The following IMMP1L variants were observed in gnomAD, a reference collection of about 807,000 sequenced individuals.
IMMP1L encodes inner mitochondrial membrane peptidase subunit 1.
In IMMP1L, 24 loss-of-function variants were observed where a neutral mutation model predicts 21.8. The ratio of observed to expected loss-of-function variants is 1.10; its 90% CI spans 0.80 to 1.55. IMMP1L has a LOEUF of 1.55. IMMP1L is among the 40% of genes most tolerant of loss of function. The probability of loss-of-function intolerance (pLI) is 0.00; values close to 1 mark genes in which losing one functional copy is unlikely to be tolerated. For missense variants in IMMP1L, 195 were observed against 200.7 expected (o/e 0.97, Z 0.17); for synonymous variants, 46 against 62.8 (o/e 0.73, Z 1.26).
intron 4 of IMMP1L, among the ~76,000 whole-genome samples, chr11:31,437,346 CTG>C (rs1953158781): frequency 6.6e-6 from 1 of 152,076 alleles, no homozygotes; most frequent in Non-Finnish European, 1.5e-5. Flanking sequence ...AAAGTTTTGA[CTG>C]TGTTTTGACT....
At chr11:31,453,505 T>C (rs561295478) in intron 4 of IMMP1L, among the ~76,000 whole-genome samples, 2 of 152,246 alleles carry the variant, frequency 1.3e-5, no homozygotes, top group East Asian at 3.9e-4. Context: ...AAGAAACTCA[T>C]TTCGTAAAAT....
chr11:31,494,936 G>A (rs773421714), intron 1 of IMMP1L, among the ~76,000 whole-genome samples: 2 of 152,094 alleles, frequency 1.3e-5, no homozygotes, highest in African/African-American at 2.4e-5. Flanking sequence ...GAGCCACCGC[G>A]ACCAGCCCAA....
chr11:31,493,071 G>T (rs1404658380), intron 1 of IMMP1L, among the ~76,000 whole-genome samples: 1 of 152,138 alleles, frequency 6.6e-6, no homozygotes, highest in African/African-American at 2.4e-5. Context: ...GCTCGATACA[G>T]GGAAGCACAA....
At chr11:31,495,138 A>G (rs1455525917) in intron 1 of IMMP1L, among the ~76,000 whole-genome samples, 1 of 152,192 alleles carries the variant, frequency 6.6e-6, no homozygotes, top group Non-Finnish European at 1.5e-5. Context: ...TAAGTTGCTC[A>G]TCTCCATCTG....
intron 4 of IMMP1L, among the ~76,000 whole-genome samples, chr11:31,442,335 CAA>C (rs1036140315): frequency 3.3e-5 from 5 of 152,250 alleles, no homozygotes; most frequent in African/African-American, 1.2e-4. Flanking sequence ...GTCCATTTAA[CAA>C]AAGAGGCTTT....
chr11:31,442,040 T>C (rs1953348967), intron 4 of IMMP1L, among the ~76,000 whole-genome samples: 1 of 152,164 alleles, frequency 6.6e-6, no homozygotes, highest in South Asian at 2.1e-4. Context: ...CCATAAACTG[T>C]TTTAATTTTG....
chr11:31,448,515 T>C (rs1953617700), intron 4 of IMMP1L, among the ~76,000 whole-genome samples: 1 of 152,162 alleles, frequency 6.6e-6, no homozygotes, highest in Admixed American at 6.5e-5. Context: ...AACTTGCAGA[T>C]AAAAATACAT....
intron 5 of IMMP1L, 146 bp downstream of exon 5, chr11:31,433,314 C>G: frequency 1.9e-6 from 1 of 518,892 alleles, no homozygotes; most frequent in Non-Finnish European, 3.4e-6. Flanking sequence ...TTGCATATGG[C>G]TATTAAGTTA....
At chr11:31,501,104 G>C (rs1955604167) in intron 1 of IMMP1L, among the ~76,000 whole-genome samples, 1 of 152,124 alleles carries the variant, frequency 6.6e-6, no homozygotes, top group Non-Finnish European at 1.5e-5. Flanking sequence ...AATGACTATT[G>C]TACTGGACAG....
intron 1 of IMMP1L, among the ~76,000 whole-genome samples, chr11:31,476,754 A>G (rs1418870990): frequency 2.6e-5 from 4 of 152,094 alleles, no homozygotes; most frequent in African/African-American, 9.7e-5. Context: ...GTTACGTTGC[A>G]TACTGTTTGG....
chr11:31,455,150 T>A (rs1176795237), intron 4 of IMMP1L, among the ~76,000 whole-genome samples: 1 of 152,180 alleles, frequency 6.6e-6, no homozygotes, highest in Admixed American at 6.5e-5. Context: ...TAAATAAGAT[T>A]GATTATTTAA....
At chr11:31,475,561 CTT>C (rs1277961779) in intron 1 of IMMP1L, among the ~76,000 whole-genome samples, 3 of 151,928 alleles carry the variant, frequency 2.0e-5, no homozygotes, top group South Asian at 4.1e-4. Context: ...TTATACCTGA[CTT>C]ATCATTCTTT....
chr11:31,502,502 G>A (rs979750546), intron 1 of IMMP1L, among the ~76,000 whole-genome samples: 1 of 152,184 alleles, frequency 6.6e-6, no homozygotes, highest in Non-Finnish European at 1.5e-5. Context: ...TCTTTAGAGA[G>A]GAGCTTCAGG....
chr11:31,477,140 A>T (rs538219878), intron 1 of IMMP1L: 14 of 152,288 alleles, frequency 9.2e-5, no homozygotes, highest in Non-Finnish European at 1.9e-4. Context: ...TTCACCAAAA[A>T]CATTTCATCA....
chr11:31,440,298 TC>T (rs1039532082), intron 4 of IMMP1L, among the ~76,000 whole-genome samples: 7 of 152,216 alleles, frequency 4.6e-5, no homozygotes, highest in Non-Finnish European at 1.0e-4. Flanking sequence ...CATATTTTTG[TC>T]CAGTTTTCTA....
chr11:31,478,671 C>T (rs1460437057), intron 1 of IMMP1L, among the ~76,000 whole-genome samples: 1 of 151,970 alleles, frequency 6.6e-6, no homozygotes, highest in Non-Finnish European at 1.5e-5. Context: ...GGTCATAGCC[C>T]TCGAAATTTA....
chr11:31,470,718 T>C (rs1954519508), intron 1 of IMMP1L, among the ~76,000 whole-genome samples: 1 of 152,190 alleles, frequency 6.6e-6, no homozygotes, highest in Non-Finnish European at 1.5e-5. Flanking sequence ...AGATATGGAA[T>C]CAACTTACAT....
chr11:31,457,145 C>T (rs1050054470), intron 3 of IMMP1L, among the ~76,000 whole-genome samples: 1 of 151,670 alleles, frequency 6.6e-6, no homozygotes, highest in Non-Finnish European at 1.5e-5. Flanking sequence ...ATCAAAAGAA[C>T]TTATATTTGA....
intron 1 of IMMP1L, among the ~76,000 whole-genome samples, chr11:31,507,638 T>C (rs1955815919): frequency 6.6e-6 from 1 of 152,168 alleles, no homozygotes. Context: ...GAGAGTACAA[T>C]GGTGTTTACC....
Sources: gnomAD v4.1 joint callset for allele counts (sites outside exome capture counted in the v4.1 genomes callset) on GRCh38, gnomAD v4.1.1 for gene constraint, MANE v1.5 for transcripts, NCBI Gene and HGNC (gene_info 2026-07-23, HGNC 2026-07-21) for gene names.